TOPBP1: variants seen among roughly 807,000 people sequenced by gnomAD.
The protein encoded by TOPBP1 is DNA topoisomerase II binding protein 1, also known as DNA topoisomerase 2-binding protein 1.
Under a neutral mutation model 167.7 loss-of-function variants are expected in TOPBP1, and 28 were observed. That is an observed-to-expected ratio of 0.17 (90% CI 0.12 to 0.23). The LOEUF (loss-of-function observed/expected upper bound fraction) is 0.23. Among genes scored for constraint, TOPBP1 ranks in the 10% least tolerant of loss-of-function variants. The probability of loss-of-function intolerance (pLI) is 1.00; values close to 1 mark genes in which losing one functional copy is unlikely to be tolerated. For missense variants in TOPBP1, 1,554 were observed against 1,809.6 expected (o/e 0.86, Z 2.56); for synonymous variants, 598 against 611.4 (o/e 0.98, Z 0.32).
rs577164813 is a variant in TOPBP1 at position 133,629,565 on chromosome 3, TA to T, written c.2521-833del. On this transcript the variant is annotated intron_variant, in intron 14 of 27. Transcript: ENST00000260810. The stretch of plus-strand genomic sequence containing the variant: ...AACACAGTTAGACCCAATTTCTTTT[TA>T]AAAAAACTAAAAAAACAAGACCAAC... Among the ~76,000 whole-genome samples the T allele has an allele frequency of 1.8e-4, 28 of 152,102 alleles. No individual in the cohort carries two copies. The South Asian group carries it at 5.8e-3, about 31-fold the overall frequency.
In TOPBP1 at chr3:133,653,036, T is replaced by A. The variant is rs148689562; in HGVS notation, c.922+309A>T. Among the ~76,000 whole-genome samples, 484 of 152,362 alleles carry A rather than the reference T, an allele frequency of 3.2e-3. 4 individuals carry two copies. The highest frequency in any genetic ancestry group is 0.01 in the Middle Eastern group (3 of 294). On this transcript the variant is annotated intron_variant, in intron 7 of 27. Coordinates refer to ENST00000260810, the MANE Select transcript of TOPBP1 (RefSeq NM_007027.4). ...AAACTGTAAATTAAGGAAAGATTAATATATGCATGTAATGTTTAAAAGATT... is the reference window on the plus strand; with the variant it reads ...AAACTGTAAATTAAGGAAAGATTAAAATATGCATGTAATGTTTAAAAGATT...
chr3:133,645,620 T>C (rs1433728180), intron 10 of TOPBP1, among the ~76,000 whole-genome samples: 2 of 152,148 alleles, frequency 1.3e-5, no homozygotes, highest in East Asian at 3.9e-4. Flanking sequence ...ATGTTGTTGG[T>C]AAGATGGGAA....
Position 133,659,072 on chromosome 3 carries a change from T to C in TOPBP1, c.163A>G (p.Arg55Gly). ...EEALKIKEND[R>G]SLYICDPFSG... Reference sequence around the variant, plus strand: ...AAAGGGTCACAGATATAAAGTGATCTATCATTCTCCTTTATCTTCAATGCC... The same window carrying C: ...AAAGGGTCACAGATATAAAGTGATCCATCATTCTCCTTTATCTTCAATGCC... The change falls in exon 3 of 28, where the codon AGA (arginine) becomes GGA (glycine). Residue 55 changes from arginine (R) to glycine (G), a missense_variant. By Grantham distance (125) the Arg-to-Gly change is moderately radical. Around this residue, in one of 3 missense-constraint regions of TOPBP1, gnomAD observed 1,197 missense variants for 1,351.5 expected, o/e 0.89. Transcript: ENST00000260810. The C allele has an allele frequency of 6.3e-7, 1 of 1,595,790 alleles. No homozygotes were observed. The highest frequency in any genetic ancestry group is 8.5e-7 in the Non-Finnish European group (1 of 1,170,754).
chr3:133,650,000 C>T, intron 8 of TOPBP1, 57 bp from the exon 9 acceptor site: 1 of 1,373,680 alleles, frequency 7.3e-7, no homozygotes, highest in African/African-American at 1.5e-5. Flanking sequence ...TAGAAAAAAA[C>T]TAAAAATATA....
intron 10 of TOPBP1, 82 bp from the exon 11 acceptor site, chr3:133,644,445 G>T: frequency 1.6e-6 from 2 of 1,250,930 alleles, no homozygotes; most frequent in Non-Finnish European, 2.2e-6. Flanking sequence ...AACGTAACAT[G>T]GAATCTGATA....
At chr3:133,642,386 T>A (rs1227398601) in intron 12 of TOPBP1, among the ~76,000 whole-genome samples, 1 of 152,202 alleles carries the variant, frequency 6.6e-6, no homozygotes, top group African/African-American at 2.4e-5. Flanking sequence ...TTCAAGTCTT[T>A]TAGCTTATAG....
chr3:133,628,817 AAG>A, intron 14 of TOPBP1, 84 bp from the exon 15 acceptor site: 3 of 1,395,994 alleles, frequency 2.1e-6, no homozygotes, highest in African/African-American at 2.9e-5. Context: ...AGGAAAAAGA[AAG>A]AGGAGGAGAG....
In TOPBP1 at chr3:133,656,756, T is replaced by C; in HGVS notation, c.465A>G (p.Lys155=). 6.2e-7 allele frequency: 1 copy of C among 1,612,652 alleles called. No individual in the cohort carries two copies. The highest frequency in any genetic ancestry group is 8.5e-7 in the Non-Finnish European group (1 of 1,179,388). The change falls in exon 5 of 28, where the codon AAA becomes AAG. Residue 155 remains lysine (K), a synonymous_variant. Transcript: ENST00000260810. ...TCTTCAGGTTTGCAGCAACTAAATA[T>C]TTTTTGCTACCAACTTCTCCTGCAA... ...HLIAGEVGSK[K]YLVAANLKKP...
chr3:133,640,178 T>G lies in TOPBP1; in HGVS notation c.2022-8A>C. 6.2e-7 allele frequency: 1 copy of G among 1,607,726 alleles called. No individual in the cohort carries two copies. Among genetic ancestry groups the G allele is most frequent in the African/African-American group, 1.3e-5 (1 of 74,924 alleles). On this transcript the variant is annotated splice_polypyrimidine_tract_variant and splice_region_variant and intron_variant, in intron 12 of 27. Coordinates refer to ENST00000260810, the MANE Select transcript of TOPBP1 (RefSeq NM_007027.4). ...ACAAAGTATTCTTGAACACTGAAAT[T>G]TATGTTTAAAGAAGTGGAAATGGTC...
rs761185819 is a variant in TOPBP1 at position 133,649,339 on chromosome 3, A to G, written c.1504+44T>C. 13 of 1,584,124 alleles carry G rather than the reference A, an allele frequency of 8.2e-6. No individual in the cohort carries two copies. In the Admixed American group the frequency reaches 2.3e-4, roughly 28 times the overall value. ...CACATATGTACGTATTAGGCTACTA[A>G]AATATTTCTTACTAACTACAAATAC... is the stretch of plus-strand genomic sequence containing the variant. On this transcript the variant is annotated intron_variant, in intron 10 of 27. Transcript: ENST00000260810.
At chr3:133,622,196 T>TTG (rs1340568449) in intron 19 of TOPBP1, among the ~76,000 whole-genome samples, 1 of 148,602 alleles carries the variant, frequency 6.7e-6, no homozygotes, top group African/African-American at 2.5e-5. Flanking sequence ...TTTTTTTTTT[T>TTG]TTTTTTTTTT....
chr3:133,628,949 G>C (rs1343779089), intron 14 of TOPBP1, among the ~76,000 whole-genome samples: 1 of 152,054 alleles, frequency 6.6e-6, no homozygotes, highest in Non-Finnish European at 1.5e-5. Flanking sequence ...CATATACTGT[G>C]AACAAAAATT....
In TOPBP1 at chr3:133,612,625, C is replaced by T. The variant is rs371551649; in HGVS notation, c.3872-73G>A. 265 of 1,349,292 alleles carry T rather than the reference C, an allele frequency of 2.0e-4. 3 individuals are homozygous for T. Among genetic ancestry groups the T allele is most frequent in the South Asian group, 1.1e-3 (68 of 62,180 alleles). 83.6% of individuals were successfully genotyped at this position (1,349,292 alleles called of 1,614,324 possible). On this transcript the variant is annotated intron_variant, in intron 23 of 27. Transcript: ENST00000260810. Reference sequence around the variant, plus strand: ...TCTAGGAAAAATGTAATCTCAACTACGCATAGAAATTATTTATAAATAAAA... The same window carrying T: ...TCTAGGAAAAATGTAATCTCAACTATGCATAGAAATTATTTATAAATAAAA...
chr3:133,624,008 C>G, intron 17 of TOPBP1, 44 bp downstream of exon 17: 1 of 1,580,606 alleles, frequency 6.3e-7, no homozygotes, highest in Non-Finnish European at 8.6e-7. Context: ...TGTTTGTATA[C>G]ATTTTCAATT....
Position 133,617,322 on chromosome 3 carries a change from G to A in TOPBP1, c.3597C>T (p.Val1199=). ...TCACACGTATGTTTCCAGGATCACA[G>A]ACAGCTGAGGACAATAAAATGCTGC... The part of the protein sequence containing the change: ...LHDSEIAKQA[V]CDPGNIRVTE... Residue 1199 remains valine, a synonymous_variant, in exon 22 of 28, where the codon GTC becomes GTT. Coordinates refer to ENST00000260810, the MANE Select transcript of TOPBP1 (RefSeq NM_007027.4). The A allele has an allele frequency of 6.2e-7, 1 of 1,600,830 alleles. No individual in the cohort carries two copies. The highest frequency in any genetic ancestry group is 8.5e-7 in the Non-Finnish European group (1 of 1,175,518).
intron 12 of TOPBP1, among the ~76,000 whole-genome samples, chr3:133,642,688 C>G (rs1401407107): frequency 6.6e-6 from 1 of 152,074 alleles, no homozygotes; most frequent in Admixed American, 6.6e-5. Flanking sequence ...TGTTCAATGC[C>G]TAGATTCTTT....
At chr3:133,627,949 T>C (rs374943953) in intron 16 of TOPBP1, among the ~76,000 whole-genome samples, 21 of 152,068 alleles carry the variant, frequency 1.4e-4, no homozygotes, top group African/African-American at 5.1e-4. Context: ...GAGTACTTAG[T>C]ACTACTCCCA....
chr3:133,622,210 A>G (rs1383900960), intron 19 of TOPBP1, among the ~76,000 whole-genome samples: 2 of 93,220 alleles, frequency 2.1e-5, no homozygotes, highest in African/African-American at 4.9e-5. Context: ...TTTTTTTGAG[A>G]CAAGAGTTTT....
intron 13 of TOPBP1, among the ~76,000 whole-genome samples, chr3:133,638,563 C>CAA (rs1178661832): frequency 6.6e-6 from 1 of 152,166 alleles, no homozygotes; most frequent in Admixed American, 6.6e-5. Context: ...TACAGGTACT[C>CAA]AGAGTTAACT....
Sources: allele counts gnomAD v4.1 joint callset (sites outside exome capture counted in the v4.1 genomes callset), GRCh38; gene constraint gnomAD v4.1.1; regional missense constraint gnomAD v4.1.1; transcripts MANE v1.5; gene names NCBI Gene and HGNC (gene_info 2026-07-23, HGNC 2026-07-21).